The following MYO6 variants were observed in gnomAD, a reference collection of about 807,000 sequenced individuals.
The protein encoded by MYO6 is myosin VI.
In MYO6, 74 loss-of-function variants were observed where a neutral mutation model predicts 178.7. That is an observed-to-expected ratio of 0.41 (90% CI 0.34 to 0.50). The LOEUF (loss-of-function observed/expected upper bound fraction) is 0.50. Among genes scored for constraint, MYO6 ranks in the 20% least tolerant of loss-of-function variants. The pLI is 0.09. For synonymous variants in MYO6, 477 were observed against 504.6 expected, an observed-to-expected ratio of 0.95 and a Z score of 0.73; for missense variants, 1,330 against 1,547.4, an observed-to-expected ratio of 0.86 and a Z score of 2.36.
chr6:75,841,123 G>T, intron 8 of MYO6, 91 bp from the exon 9 acceptor site: 2 of 1,079,556 alleles, frequency 1.9e-6, no homozygotes, highest in African/African-American at 4.3e-5. Flanking sequence ...TAGACAAATG[G>T]TATTAGAAAA....
At chr6:75,760,831 T>A (rs1777879713) in intron 1 of MYO6, among the ~76,000 whole-genome samples, 1 of 152,158 alleles carries the variant, frequency 6.6e-6, no homozygotes, top group Admixed American at 6.5e-5. Flanking sequence ...TTGACACTGA[T>A]GGAATCAGTA....
At chr6:75,895,519 T>A (rs1779225032) in intron 29 of MYO6, among the ~76,000 whole-genome samples, 1 of 140,904 alleles carries the variant, frequency 7.1e-6, no homozygotes, top group South Asian at 2.2e-4. Flanking sequence ...TATATATGAA[T>A]TTTTTTTTTT....
Position 75,760,616 on chromosome 6 carries a change from T to TA in MYO6, c.-48+11203dup, listed in dbSNP as rs561420482. Among the ~76,000 whole-genome samples, 775 of 148,186 alleles carry TA rather than the reference T, an allele frequency of 5.2e-3. 3 individuals are homozygous for TA. The highest frequency in any genetic ancestry group is 0.011 in the South Asian group (51 of 4,660). ...CTGGATATAAATGTTATAACTGAGT[T>TA]AAAAAAAAAACAAATATGTTTCCCA... On this transcript the variant is annotated intron_variant, in intron 1 of 34. Transcript: ENST00000369977.
intron 1 of MYO6, among the ~76,000 whole-genome samples, chr6:75,764,814 A>T (rs1401243801): frequency 6.6e-6 from 1 of 152,084 alleles, no homozygotes; most frequent in Non-Finnish European, 1.5e-5. Flanking sequence ...CCTAGCCAAC[A>T]TGGTAAAACC....
intron 32 of MYO6, among the ~76,000 whole-genome samples, chr6:75,909,761 C>A (rs911858154): frequency 6.6e-6 from 1 of 152,044 alleles, no homozygotes; most frequent in Admixed American, 6.6e-5. Flanking sequence ...TTTTTTTCCC[C>A]TAAGCGGTAT....
chr6:75,850,966 G>A, intron 11 of MYO6, among the ~76,000 whole-genome samples: 1 of 150,930 alleles, frequency 6.6e-6, no homozygotes. Flanking sequence ...TTTTTTTGAA[G>A]GATTGGAAAA....
chr6:75,895,330 A>G (rs1230972111), intron 29 of MYO6, 70 bp downstream of exon 29: 2 of 1,204,248 alleles, frequency 1.7e-6, no homozygotes, highest in African/African-American at 3.0e-5. Context: ...TTCTCATTGG[A>G]GTAAATTTTA....
At chr6:75,859,884 T>C (rs1163312311) in intron 14 of MYO6, among the ~76,000 whole-genome samples, 1 of 152,120 alleles carries the variant, frequency 6.6e-6, no homozygotes, top group Non-Finnish European at 1.5e-5. Context: ...GGTCTTGAAC[T>C]TCTGACCTCA....
intron 11 of MYO6, among the ~76,000 whole-genome samples, chr6:75,851,596 A>G (rs1410586435): frequency 6.6e-6 from 1 of 151,834 alleles, no homozygotes; most frequent in African/African-American, 2.4e-5. Context: ...TGAGCTCAGG[A>G]ATTCAAGACC....
Position 75,857,259 on chromosome 6 carries a change from G to A in MYO6, c.1381+5G>A, listed in dbSNP as rs1370903604. 6.2e-7 allele frequency: 1 copy of A among 1,612,582 alleles called. No individual in the cohort carries two copies. Among genetic ancestry groups the A allele is most frequent in the Non-Finnish European group, 8.5e-7 (1 of 1,178,722 alleles). ...TCCTAGATATTGCTGGTTTTGGTAA[G>A]TAGAGTTTCTTTTGTGAGTATATAT... On this transcript the variant is annotated splice_donor_5th_base_variant and intron_variant, in intron 13 of 34. Coordinates refer to ENST00000369977, the MANE Select transcript of MYO6 (RefSeq NM_004999.4).
rs1004973181 is a variant in MYO6 at position 75,881,768 on chromosome 6, C to T, written c.2366C>T (p.Thr789Ile). The T allele has an allele frequency of 8.7e-6, 14 of 1,614,042 alleles. No homozygotes were observed. The highest frequency in any genetic ancestry group is 2.2e-5 in the East Asian group (1 of 44,870). Residue 789 changes from threonine to isoleucine, a missense_variant, in exon 23 of 35, where the codon ACA (threonine) becomes ATA (isoleucine). By Grantham distance (89) the Thr-to-Ile change is moderately conservative. Around this residue, in one of 3 missense-constraint regions of MYO6, gnomAD observed 601 missense variants for 626.1 expected, o/e 0.96. Coordinates refer to ENST00000369977, the MANE Select transcript of MYO6 (RefSeq NM_004999.4). The part of the protein sequence containing the change: ...ELVKRVNHWL[T>I]CSRWKKVQWC... ...GTTAAAAGAGTCAATCACTGGCTCA[C>T]ATGCAGTCGCTGGAAGAAAGTTCAG... is the stretch of plus-strand genomic sequence containing the variant.
intron 23 of MYO6, among the ~76,000 whole-genome samples, chr6:75,884,372 G>A (rs918162855): frequency 2.0e-4 from 31 of 152,120 alleles, no homozygotes; most frequent in Admixed American, 1.5e-3. Context: ...CTTTTTTCAG[G>A]ACATACCTAT....
At chr6:75,858,813 A>C in intron 13 of MYO6, 89 bp from the exon 14 acceptor site, 1 of 761,494 alleles carries the variant, frequency 1.3e-6, no homozygotes, top group South Asian at 1.6e-5. Flanking sequence ...TTTTAAATTA[A>C]GCCATTATTA....
chr6:75,849,689 T>C (rs1775075394), intron 11 of MYO6, among the ~76,000 whole-genome samples: 1 of 152,248 alleles, frequency 6.6e-6, no homozygotes, highest in Admixed American at 6.5e-5. Flanking sequence ...TAGCCAGAGT[T>C]AGATTATGCA....
intron 1 of MYO6, among the ~76,000 whole-genome samples, chr6:75,815,918 A>G (rs1387563006): frequency 2.6e-5 from 4 of 152,252 alleles, no homozygotes; most frequent in Non-Finnish European, 5.9e-5. Context: ...ATCATTTACC[A>G]GATGATCCAT....
intron 23 of MYO6, among the ~76,000 whole-genome samples, chr6:75,885,347 G>A (rs994317753): frequency 1.8e-4 from 27 of 152,182 alleles, no homozygotes; most frequent in Admixed American, 1.4e-3. Context: ...CAGCCTGGCC[G>A]ACATGGCAAA....
At chr6:75,756,910 T>TATATACACAC (rs67653365) in intron 1 of MYO6, among the ~76,000 whole-genome samples, 2 of 123,948 alleles carry the variant, frequency 1.6e-5, no homozygotes, top group African/African-American at 6.5e-5. Context: ...TATATATATA[T>TATATACACAC]ACACATATAT....
At chr6:75,754,079 G>A (rs1420896213) in intron 1 of MYO6, among the ~76,000 whole-genome samples, 5 of 152,186 alleles carry the variant, frequency 3.3e-5, no homozygotes, top group Non-Finnish European at 7.3e-5. Context: ...CAGAAGGCAT[G>A]TCTCAAGTGA....
intron 29 of MYO6, among the ~76,000 whole-genome samples, chr6:75,897,654 A>G (rs998534878): frequency 7.2e-5 from 11 of 152,348 alleles, no homozygotes; most frequent in African/African-American, 2.4e-4. Context: ...GAAAATAATT[A>G]CGAAGGAAAA....
Sources: allele counts gnomAD v4.1 joint callset (sites outside exome capture counted in the v4.1 genomes callset), GRCh38; gene constraint gnomAD v4.1.1; regional missense constraint gnomAD v4.1.1; transcripts MANE v1.5; gene names NCBI Gene and HGNC (gene_info 2026-07-23, HGNC 2026-07-21).